Variants in QPCT observed in about 807,000 individuals in gnomAD.
The protein encoded by QPCT is EC.
In QPCT, 44 loss-of-function variants were observed where a neutral mutation model predicts 43.4. The observed-to-expected ratio is 1.01, with a 90% CI of 0.80 to 1.30. The LOEUF is 1.30. Ranked by LOEUF, QPCT falls within the 50% of genes most tolerant of loss-of-function variation. The pLI, the probability that QPCT is intolerant of heterozygous loss-of-function variation, is 0.00. For missense variants in QPCT, 526 were observed against 436.5 expected, an observed-to-expected ratio of 1.21 and a Z score of -1.83; for synonymous variants, 168 against 168.4, an observed-to-expected ratio of 1.00 and a Z score of 0.02.
At chr2:37,361,150 AT>A (rs1194566304) in intron 3 of QPCT, among the ~76,000 whole-genome samples, 1 of 151,826 alleles carries the variant, frequency 6.6e-6, no homozygotes, top group Admixed American at 6.6e-5. Context: ...GAGGTGGGGG[AT>A]TTTTTTTAAG....
rs6721456 is a variant in QPCT, at chr2:37,369,432, G to A, written c.724-253G>A. ...ATGTCTTCTTCCTAATTTATCCTTAGTGATATCCTTTTGGAGTTACATACA... is the reference window on the plus strand; with the variant it reads ...ATGTCTTCTTCCTAATTTATCCTTAATGATATCCTTTTGGAGTTACATACA... On this transcript the variant is annotated intron_variant, in intron 4 of 6. Transcript: ENST00000338415. 2.8e-3 allele frequency among the ~76,000 whole-genome samples: 421 copies of A among 152,260 alleles called. 3 individuals are homozygous for A. The highest frequency in any genetic ancestry group is 9.5e-3 in the African/African-American group (395 of 41,532).
At chr2:37,363,762 A>G (rs945474232) in intron 3 of QPCT, among the ~76,000 whole-genome samples, 1 of 152,032 alleles carries the variant, frequency 6.6e-6, no homozygotes, top group African/African-American at 2.4e-5. Context: ...CACTGTTCTA[A>G]TATTCTTACA....
At chr2:37,354,075 G>A (rs1161045811) in intron 2 of QPCT, among the ~76,000 whole-genome samples, 3 of 152,222 alleles carry the variant, frequency 2.0e-5, no homozygotes, top group Admixed American at 2.0e-4. Flanking sequence ...ACGTTGGCCA[G>A]GATGGTCTCT....
In QPCT at chr2:37,373,322, A is replaced by G. The variant is rs1380873779; in HGVS notation, c.*495A>G. The G allele has an allele frequency of 1.3e-5, 2 of 152,186 alleles. No homozygotes were observed. The highest frequency in any genetic ancestry group is 2.9e-5 in the Non-Finnish European group (2 of 68,058). 9.4% of individuals were successfully genotyped at this position (152,186 alleles called of 1,614,324 possible). On this transcript the variant is annotated 3_prime_UTR_variant, in exon 7 of 7. Transcript: ENST00000338415. ...GAAATTAAAATCAGAATTAAATGCTATGTTGTGATGTCTTTTTTATATATA... is the reference window on the plus strand; with the variant it reads ...GAAATTAAAATCAGAATTAAATGCTGTGTTGTGATGTCTTTTTTATATATA...
chr2:37,360,432 G>A (rs1672839303), intron 3 of QPCT, among the ~76,000 whole-genome samples: 1 of 151,936 alleles, frequency 6.6e-6, no homozygotes, highest in Admixed American at 6.6e-5. Flanking sequence ...AATACTTCTG[G>A]GACTCTCAGA....
intron 5 of QPCT, 22 bp from the exon 6 acceptor site, chr2:37,372,334 A>G (rs1558608590): frequency 6.8e-7 from 1 of 1,469,034 alleles, no homozygotes; most frequent in Non-Finnish European, 9.5e-7. Context: ...TTGTTCATTT[A>G]CTGTATAATT....
intron 3 of QPCT, among the ~76,000 whole-genome samples, chr2:37,366,504 T>C (rs576213050): frequency 6.6e-6 from 1 of 152,312 alleles, no homozygotes; most frequent in Non-Finnish European, 1.5e-5. Context: ...TCTGTAGCAT[T>C]CCTAGGGCAG....
intron 4 of QPCT, chr2:37,368,691 G>T (rs1673013766): frequency 2.1e-6 from 1 of 471,000 alleles, no homozygotes; most frequent in Non-Finnish European, 4.4e-6. Context: ...TTGTGCCCAA[G>T]TGCCCAAAAA....
chr2:37,366,954 T>C (rs1672976762), intron 3 of QPCT, among the ~76,000 whole-genome samples: 1 of 152,232 alleles, frequency 6.6e-6, no homozygotes, highest in Middle Eastern at 3.2e-3. Context: ...CACAGCACTT[T>C]CATTGTTTCA....
chr2:37,345,225 C>A (rs984188989), intron 1 of QPCT, among the ~76,000 whole-genome samples: 3 of 152,192 alleles, frequency 2.0e-5, no homozygotes, highest in Admixed American at 6.5e-5. Flanking sequence ...ACGGGGCCGG[C>A]GCTCCGGGGC....
At chr2:37,363,892 A>C in intron 3 of QPCT, among the ~76,000 whole-genome samples, 1 of 152,094 alleles carries the variant, frequency 6.6e-6, no homozygotes, top group East Asian at 1.9e-4. Context: ...TAAATAAATC[A>C]ATAAAACAGT....
At chr2:37,360,153 G>C in intron 3 of QPCT, 1 of 376,640 alleles carries the variant, frequency 2.7e-6, no homozygotes, top group Non-Finnish European at 4.9e-6. Context: ...TTTGTTTCAG[G>C]TATAGTATGA....
rs1490711280 is a variant in QPCT at position 37,354,703 on chromosome 2, A to G, written c.267+1768A>G. Among the ~76,000 whole-genome samples, 12 of 152,318 alleles carry G rather than the reference A, an allele frequency of 7.9e-5. No individual in the cohort carries two copies. The East Asian group carries it at 2.3e-3, about 29-fold the overall frequency. ...ACTTTAACAACATTCCCTGGGCCTT[A>G]TCTCTCAAGCATTTTCTTAAAAGAA... On this transcript the variant is annotated intron_variant, in intron 2 of 6. Transcript: ENST00000338415.
intron 2 of QPCT, among the ~76,000 whole-genome samples, chr2:37,356,199 C>A (rs1215466927): frequency 2.6e-5 from 4 of 152,174 alleles, no homozygotes; most frequent in African/African-American, 9.7e-5. Flanking sequence ...AATAAATCCC[C>A]CTACCACTCT....
chr2:37,363,528 G>A (rs1347394027), intron 3 of QPCT, among the ~76,000 whole-genome samples: 1 of 151,462 alleles, frequency 6.6e-6, no homozygotes, highest in East Asian at 1.9e-4. Flanking sequence ...CTACTTGGGA[G>A]GCTGAGGCAG....
chr2:37,347,168 T>TATATATC (rs1558599336), intron 1 of QPCT, among the ~76,000 whole-genome samples: 1,416 of 52,288 alleles, frequency 0.027, 236 homozygotes, highest in East Asian at 0.042. Context: ...ATATATAACA[T>TATATATC]ATATATATAT....
rs3050580 is a variant in QPCT at position 37,371,431 on chromosome 2, C to CAAAA, written c.824-907_824-904dup. Among the ~76,000 whole-genome samples the CAAAA allele has an allele frequency of 6.6e-4, 46 of 69,290 alleles. 3 individuals are homozygous for CAAAA. The highest frequency in any genetic ancestry group is 2.2e-3 in the East Asian group (5 of 2,282). 45.5% of individuals were successfully genotyped at this position (69,290 alleles called of 152,430 possible). ...CCTGGGCGACAGCGAGACTCCATCT[C>CAAAA]AAAAAAAAAAAAAAAAAAAAAGAAA... On this transcript the variant is annotated intron_variant, in intron 5 of 6. Transcript: ENST00000338415.
Position 37,373,000 on chromosome 2 carries a change from T to C in QPCT, c.*173T>C, listed in dbSNP as rs1673114097. On this transcript the variant is annotated 3_prime_UTR_variant, in exon 7 of 7. Coordinates refer to ENST00000338415, the MANE Select transcript of QPCT (RefSeq NM_012413.4). Reference sequence around the variant, plus strand: ...CAATTACAGAATAATTGTGTTGTGATATTGTGTCCTAAATTGCTCATTAAT... The same window carrying C: ...CAATTACAGAATAATTGTGTTGTGACATTGTGTCCTAAATTGCTCATTAAT... 2 of 521,536 alleles carry C rather than the reference T, an allele frequency of 3.8e-6. No homozygotes were observed. Among genetic ancestry groups the C allele is most frequent in the African/African-American group, 3.9e-5 (2 of 50,892 alleles). 32.3% of individuals were successfully genotyped at this position (521,536 alleles called of 1,614,324 possible).
intron 2 of QPCT, among the ~76,000 whole-genome samples, chr2:37,354,397 C>T (rs562732487): frequency 3.9e-5 from 6 of 152,210 alleles, no homozygotes; most frequent in Non-Finnish European, 5.9e-5. Flanking sequence ...GGGTCAGGCA[C>T]TTTACTGAGT....
Sources: gnomAD v4.1 joint callset for allele counts (sites outside exome capture counted in the v4.1 genomes callset) on GRCh38, gnomAD v4.1.1 for gene constraint, MANE v1.5 for transcripts, NCBI Gene and HGNC (gene_info 2026-07-23, HGNC 2026-07-21) for gene names.